Variants in MYRIP observed in about 807,000 individuals in gnomAD.
The protein encoded by MYRIP is myosin VIIA and Rab interacting protein, also known as rab effector MyRIP.
A neutral mutation model predicts 98.0 loss-of-function variants in MYRIP; 49 were observed. That is an observed-to-expected ratio of 0.50 (90% CI 0.40 to 0.63). The LOEUF is 0.63. MYRIP is among the 30% of genes least tolerant of loss of function. MYRIP has a pLI of 0.00. For synonymous variants in MYRIP, 404 were observed against 409.5 expected (o/e 0.99, Z 0.16); for missense variants, 1,004 against 1,058.2 (o/e 0.95, Z 0.71).
chr3:40,240,801 C>A (rs999548948), intron 12 of MYRIP, among the ~76,000 whole-genome samples: 3 of 152,114 alleles, frequency 2.0e-5, no homozygotes, highest in Admixed American at 1.3e-4. Context: ...TAAATTCTTG[C>A]TGTGAAGAGC....
chr3:40,183,411 T>A (rs1950943956), intron 9 of MYRIP, among the ~76,000 whole-genome samples: 1 of 152,232 alleles, frequency 6.6e-6, no homozygotes, highest in Admixed American at 6.5e-5. Context: ...CTTTAGAGAC[T>A]CTTCAACATG....
intron 3 of MYRIP, among the ~76,000 whole-genome samples, chr3:40,069,395 CTTT>C (rs35427857): frequency 2.1e-5 from 3 of 144,056 alleles, no homozygotes; most frequent in Admixed American, 6.9e-5. Context: ...TCGCAAGATA[CTTT>C]TTTTTTTTTT....
intron 1 of MYRIP, among the ~76,000 whole-genome samples, chr3:39,840,915 T>C (rs2125594251): frequency 6.6e-6 from 1 of 152,316 alleles, no homozygotes; most frequent in East Asian, 1.9e-4. Flanking sequence ...ATTTCAACCT[T>C]GGAGAATCTG....
At chr3:39,851,161 T>C (rs574489486) in intron 1 of MYRIP, among the ~76,000 whole-genome samples, 28 of 152,304 alleles carry the variant, frequency 1.8e-4, no homozygotes, top group African/African-American at 6.7e-4. Context: ...GAAAAATGAA[T>C]CAAGATTTAT....
intron 3 of MYRIP, among the ~76,000 whole-genome samples, chr3:40,085,946 A>G (rs1465335000): frequency 3.3e-5 from 5 of 152,210 alleles, no homozygotes; most frequent in African/African-American, 1.2e-4. Flanking sequence ...ACTTCACTCA[A>G]AGTGGAAAAA....
chr3:39,858,736 G>A (rs1290834153), intron 1 of MYRIP, among the ~76,000 whole-genome samples: 2 of 151,940 alleles, frequency 1.3e-5, no homozygotes, highest in Non-Finnish European at 2.9e-5. Context: ...ATAACAGGAG[G>A]AAAATTGGAA....
intron 3 of MYRIP, among the ~76,000 whole-genome samples, chr3:40,110,027 G>T (rs905741070): frequency 2.0e-5 from 3 of 152,138 alleles, no homozygotes; most frequent in Admixed American, 6.5e-5. Context: ...ACTATGATAA[G>T]TGCAACTGGA....
At chr3:39,931,623 CA>C (rs1944539274) in intron 2 of MYRIP, among the ~76,000 whole-genome samples, 1 of 151,996 alleles carries the variant, frequency 6.6e-6, no homozygotes, top group Non-Finnish European at 1.5e-5. Context: ...AGTCTTTATT[CA>C]TGAACTATGA....
At chr3:40,128,916 A>G (rs1489070692) in intron 3 of MYRIP, among the ~76,000 whole-genome samples, 1 of 152,184 alleles carries the variant, frequency 6.6e-6, no homozygotes, top group East Asian at 1.9e-4. Flanking sequence ...TGCACCTTGT[A>G]TGTGTAATGA....
At chr3:39,914,933 C>T (rs1944116859) in intron 2 of MYRIP, among the ~76,000 whole-genome samples, 1 of 151,826 alleles carries the variant, frequency 6.6e-6, no homozygotes, top group Non-Finnish European at 1.5e-5. Flanking sequence ...TATAAAGGCC[C>T]CTTTGCAGCA....
chr3:40,114,319 G>T (rs560868341), intron 3 of MYRIP, among the ~76,000 whole-genome samples: 1 of 152,158 alleles, frequency 6.6e-6, no homozygotes, highest in Non-Finnish European at 1.5e-5. Context: ...GGAGCAATAG[G>T]CCATACCATG....
intron 2 of MYRIP, among the ~76,000 whole-genome samples, chr3:39,954,646 C>T (rs76683166): frequency 8.0e-4 from 122 of 152,222 alleles, no homozygotes; most frequent in African/African-American, 1.5e-3. Flanking sequence ...TTGCCAGCAA[C>T]GGAGCAAAGC....
chr3:39,943,138 C>A (rs1351715552), intron 2 of MYRIP, among the ~76,000 whole-genome samples: 1 of 152,090 alleles, frequency 6.6e-6, no homozygotes, highest in East Asian at 1.9e-4. Context: ...GTGAAGTGAT[C>A]TTAATGATCT....
intron 11 of MYRIP, among the ~76,000 whole-genome samples, chr3:40,219,161 CAAGAATAAATTCT>C (rs1312321114): frequency 6.6e-6 from 1 of 151,970 alleles, no homozygotes; most frequent in Non-Finnish European, 1.5e-5. Flanking sequence ...ATACTACATA[CAAGAATAAATTCT>C]CAATGGGCAG....
intron 9 of MYRIP, among the ~76,000 whole-genome samples, chr3:40,182,855 G>T (rs1950921636): frequency 1.3e-5 from 2 of 152,262 alleles, no homozygotes; most frequent in South Asian, 4.2e-4. Flanking sequence ...TTCTGAAACT[G>T]GATAAATTAG....
At chr3:39,943,577 TAGA>T (rs1211377567) in intron 2 of MYRIP, among the ~76,000 whole-genome samples, 2 of 152,106 alleles carry the variant, frequency 1.3e-5, no homozygotes, top group Non-Finnish European at 1.5e-5. Flanking sequence ...AGTTATCCAG[TAGA>T]AGAACACTGT....
At chr3:39,996,241 T>C (rs997974384) in intron 2 of MYRIP, among the ~76,000 whole-genome samples, 2 of 152,064 alleles carry the variant, frequency 1.3e-5, no homozygotes, top group Non-Finnish European at 2.9e-5. Context: ...GACTGGCAAA[T>C]TGGATAAAGA....
At chr3:39,843,353 C>T (rs1366315501) in intron 1 of MYRIP, among the ~76,000 whole-genome samples, 1 of 151,978 alleles carries the variant, frequency 6.6e-6, no homozygotes, top group Non-Finnish European at 1.5e-5. Flanking sequence ...TCAACTTTCA[C>T]TATATTGAGG....
chr3:40,187,220 C>T (rs543610822), intron 9 of MYRIP, among the ~76,000 whole-genome samples: 3 of 152,268 alleles, frequency 2.0e-5, no homozygotes, highest in African/African-American at 4.8e-5. Context: ...GCTTTATATG[C>T]ATTATCTCAT....
Sources: gnomAD v4.1 joint callset for allele counts (sites outside exome capture counted in the v4.1 genomes callset) on GRCh38, gnomAD v4.1.1 for gene constraint, MANE v1.5 for transcripts, NCBI Gene and HGNC (gene_info 2026-07-23, HGNC 2026-07-21) for gene names.